Variants in PHC2 observed in about 807,000 individuals in gnomAD.
The protein encoded by PHC2 is polyhomeotic-like protein 2.
A neutral mutation model predicts 87.4 loss-of-function variants in PHC2; 29 were observed. That is an observed-to-expected ratio of 0.33 (90% CI 0.25 to 0.45). The LOEUF is 0.45. Among genes scored for constraint, PHC2 ranks in the 20% least tolerant of loss-of-function variants. The pLI, the probability that PHC2 is intolerant of heterozygous loss-of-function variation, is 1.00. For missense variants in PHC2, 857 were observed against 1,136.7 expected (o/e 0.75, Z 3.54); for synonymous variants, 438 against 461.7 (o/e 0.95, Z 0.66).
At chr1:33,340,131 T>A (rs1292467788) in intron 9 of PHC2, among the ~76,000 whole-genome samples, 1 of 151,968 alleles carries the variant, frequency 6.6e-6, no homozygotes, top group Non-Finnish European at 1.5e-5. Context: ...GAGAAGGGAG[T>A]ATGTATTTTA....
intron 1 of PHC2, among the ~76,000 whole-genome samples, chr1:33,411,450 TTTGTTGTTG>T (rs894110212): frequency 6.6e-6 from 1 of 151,126 alleles, no homozygotes; most frequent in Non-Finnish European, 1.5e-5. Flanking sequence ...ATCTCTGTTT[TTTGTTGTTG>T]TTGTTGTTGT....
chr1:33,337,568 T>C lies in PHC2; in HGVS notation c.1559-3276A>G, dbSNP rs539510317. Among the ~76,000 whole-genome samples the C allele has an allele frequency of 2.0e-5, 3 of 152,278 alleles. No individual in the cohort carries two copies. In the South Asian group the frequency reaches 6.2e-4, roughly 32 times the overall value. On this transcript the variant is annotated intron_variant, in intron 9 of 14. Coordinates refer to ENST00000683057, the MANE Select transcript of PHC2 (RefSeq NM_001385109.1). ...TTCACTGGCTGTGAAATAAGGATCC[T>C]ACGCCTACCTTAGAGTGCTGCTGTG...
intron 2 of PHC2, 80 bp from the exon 3 acceptor site, chr1:33,372,527 C>T (rs200347513): frequency 1.5e-6 from 2 of 1,313,650 alleles, no homozygotes; most frequent in African/African-American, 1.5e-5. Flanking sequence ...CCTTGCCCAC[C>T]CCAGGTCTCT....
At chr1:33,351,545 T>C (rs574037550) in intron 9 of PHC2, among the ~76,000 whole-genome samples, 55 of 152,350 alleles carry the variant, frequency 3.6e-4, no homozygotes, top group African/African-American at 1.3e-3. Flanking sequence ...TTTTTTCCTG[T>C]GCATTTTTCA....
At chr1:33,375,336 G>A in intron 2 of PHC2, 30 bp downstream of exon 2, 1 of 1,496,486 alleles carries the variant, frequency 6.7e-7, no homozygotes, top group Non-Finnish European at 9.0e-7. Flanking sequence ...TGATTAAGGA[G>A]TATAATTCCC....
intron 9 of PHC2, among the ~76,000 whole-genome samples, chr1:33,335,983 TG>T (rs1646623225): frequency 8.8e-6 from 1 of 113,046 alleles, no homozygotes; most frequent in Non-Finnish European, 1.8e-5. Flanking sequence ...TTTTTGTTGT[TG>T]TTGTTGTTGT....
chr1:33,351,162 G>A (rs1190485377), intron 9 of PHC2, among the ~76,000 whole-genome samples: 2 of 152,218 alleles, frequency 1.3e-5, no homozygotes, highest in Non-Finnish European at 2.9e-5. Flanking sequence ...GTTGCCGCAG[G>A]AAAGCAACCA....
intron 1 of PHC2, among the ~76,000 whole-genome samples, chr1:33,394,538 A>G (rs1170961623): frequency 6.6e-6 from 1 of 152,098 alleles, no homozygotes; most frequent in Non-Finnish European, 1.5e-5. Context: ...ATTTTTTGGT[A>G]GGGGGAGCAG....
intron 7 of PHC2, among the ~76,000 whole-genome samples, chr1:33,356,411 C>G (rs1647087094): frequency 1.3e-5 from 2 of 150,754 alleles, no homozygotes; most frequent in African/African-American, 2.4e-5. Flanking sequence ...ACAAGGGTCT[C>G]TGGTTTTCCT....
At chr1:33,327,147 G>A (rs1646388997) in intron 14 of PHC2, among the ~76,000 whole-genome samples, 1 of 152,172 alleles carries the variant, frequency 6.6e-6, no homozygotes, top group Non-Finnish European at 1.5e-5. Context: ...GCGGATTTCG[G>A]AACTGGAATG....
At chr1:33,343,771 A>G (rs1049779348) in intron 9 of PHC2, among the ~76,000 whole-genome samples, 2 of 152,190 alleles carry the variant, frequency 1.3e-5, no homozygotes, top group African/African-American at 4.8e-5. Context: ...CCGTGGCCCA[A>G]ACTGAGGTAT....
At chr1:33,430,679 C>A (rs1254357660) in intron 1 of PHC2, among the ~76,000 whole-genome samples, 4 of 151,850 alleles carry the variant, frequency 2.6e-5, no homozygotes, top group Non-Finnish European at 5.9e-5. Flanking sequence ...CTCTCCGCAG[C>A]CCTCCTCGCT....
intron 1 of PHC2, among the ~76,000 whole-genome samples, chr1:33,390,919 G>T (rs904254622): frequency 6.6e-5 from 10 of 152,146 alleles, no homozygotes. Context: ...ACTTTCACTT[G>T]CATCAGCTAA....
intron 7 of PHC2, among the ~76,000 whole-genome samples, chr1:33,361,211 G>T (rs546259055): frequency 6.6e-6 from 1 of 152,186 alleles, no homozygotes; most frequent in African/African-American, 2.4e-5. Context: ...GTGGGCAGTG[G>T]GGGGAGGGTC....
intron 9 of PHC2, among the ~76,000 whole-genome samples, chr1:33,337,703 C>T (rs1258731709): frequency 6.6e-6 from 1 of 152,184 alleles, no homozygotes; most frequent in African/African-American, 2.4e-5. Flanking sequence ...TTCTCTCCTC[C>T]AGGACAAAGC....
Position 33,368,980 on chromosome 1 carries a change from G to A in PHC2, c.577-358C>T, listed in dbSNP as rs1446797621. On this transcript the variant is annotated intron_variant, in intron 5 of 14. Transcript: ENST00000683057. This position sits in a 1 kb window ranked among gnomAD's most constrained non-coding sequence, Gnocchi z 6.6. The stretch of plus-strand genomic sequence containing the variant: ...GAGGAGACCGATATCCCCAGGATAC[G>A]CTGAAGCCACCACCTCCTTAGCGTC... 4.6e-5 allele frequency among the ~76,000 whole-genome samples: 7 copies of A among 152,096 alleles called. No homozygotes were observed. Among genetic ancestry groups the A allele is most frequent in the African/African-American group, 7.2e-5 (3 of 41,420 alleles).
At chr1:33,394,690 C>T (rs779130479) in intron 1 of PHC2, among the ~76,000 whole-genome samples, 11 of 152,184 alleles carry the variant, frequency 7.2e-5, no homozygotes, top group Non-Finnish European at 1.6e-4. Context: ...ATTCTCTTGC[C>T]TCAGCCTCCG....
At chr1:33,370,347 G>C in intron 5 of PHC2, 74 bp downstream of exon 5, 1 of 1,438,140 alleles carries the variant, frequency 7.0e-7, no homozygotes. Flanking sequence ...CCCTTCTCCA[G>C]CTCCCAGCTC....
At chr1:33,375,143 C>T (rs972166195) in intron 2 of PHC2, among the ~76,000 whole-genome samples, 18 of 152,134 alleles carry the variant, frequency 1.2e-4, no homozygotes, top group African/African-American at 4.3e-4. Context: ...TACTTGTCTG[C>T]CCTTTATACT....
Sources: allele counts gnomAD v4.1 joint callset (sites outside exome capture counted in the v4.1 genomes callset), GRCh38; gene constraint gnomAD v4.1.1; non-coding constraint Gnocchi (gnomAD v3.1); transcripts MANE v1.5; gene names NCBI Gene and HGNC (gene_info 2026-07-23, HGNC 2026-07-21).